Variants in LRBA observed in about 807,000 individuals in gnomAD.
LRBA encodes the protein LPS responsive beige-like anchor protein.
In LRBA, 176 loss-of-function variants were observed where a neutral mutation model predicts 330.0. The observed-to-expected ratio is 0.53, with a 90% CI of 0.47 to 0.60. The LOEUF is 0.60. Ranked by LOEUF, LRBA falls within the 20% of genes least tolerant of loss-of-function variation. The pLI, the probability that LRBA is intolerant of heterozygous loss-of-function variation, is 0.00. For synonymous variants in LRBA, 1,230 were observed against 1,193.0 expected (o/e 1.03, Z -0.64); for missense variants, 3,259 against 3,444.8 (o/e 0.95, Z 1.35).
intron 37 of LRBA, among the ~76,000 whole-genome samples, chr4:150,609,434 G>A (rs540359888): frequency 4.6e-5 from 7 of 152,232 alleles, no homozygotes; most frequent in South Asian, 2.1e-4. Flanking sequence ...TTATACATCC[G>A]GGGACAGAGA....
At chr4:150,535,187 G>T (rs558979880) in intron 40 of LRBA, among the ~76,000 whole-genome samples, 1 of 152,240 alleles carries the variant, frequency 6.6e-6, no homozygotes, top group African/African-American at 2.4e-5. Context: ...AGGCTAGAGG[G>T]GAGTGGTGCA....
chr4:150,907,259 G>A (rs1431927481), intron 11 of LRBA, among the ~76,000 whole-genome samples: 3 of 86,618 alleles, frequency 3.5e-5, no homozygotes, highest in East Asian at 9.4e-4. Context: ...GGGGAGGGAG[G>A]GAAGAGAGAA....
At chr4:150,548,686 CCT>C (rs1766176294) in intron 40 of LRBA, among the ~76,000 whole-genome samples, 1 of 152,026 alleles carries the variant, frequency 6.6e-6, no homozygotes, top group African/African-American at 2.4e-5. Context: ...CAAAGTATCC[CCT>C]CTGTTTTGGA....
chr4:150,431,806 A>G (rs1380297336), intron 46 of LRBA, among the ~76,000 whole-genome samples: 1 of 152,190 alleles, frequency 6.6e-6, no homozygotes, highest in Non-Finnish European at 1.5e-5. Context: ...AGGGAGAATA[A>G]AAACCATCAT....
At chr4:150,858,986 C>T (rs1426275238) in intron 22 of LRBA, among the ~76,000 whole-genome samples, 3 of 151,878 alleles carry the variant, frequency 2.0e-5, no homozygotes, top group Admixed American at 1.3e-4. Context: ...ATCTTATTTC[C>T]ACATGCTTTT....
At chr4:150,964,492 G>T (rs1201337767) in intron 2 of LRBA, among the ~76,000 whole-genome samples, 1 of 150,144 alleles carries the variant, frequency 6.7e-6, no homozygotes, top group African/African-American at 2.5e-5. Context: ...AAATTCTTCT[G>T]CCTTGGGATG....
chr4:150,401,041 C>A (rs1468782590), intron 47 of LRBA, among the ~76,000 whole-genome samples: 2 of 152,130 alleles, frequency 1.3e-5, no homozygotes, highest in Non-Finnish European at 2.9e-5. Context: ...GTTCCCTAAT[C>A]CAATATGACT....
intron 40 of LRBA, among the ~76,000 whole-genome samples, chr4:150,559,514 TCTCAA>T: frequency 7.2e-6 from 1 of 139,146 alleles, no homozygotes; most frequent in Admixed American, 8.1e-5. Context: ...TGAGACTCCA[TCTCAA>T]AAAAATATAT....
intron 37 of LRBA, among the ~76,000 whole-genome samples, chr4:150,626,442 A>T (rs769712435): frequency 6.6e-6 from 1 of 152,208 alleles, no homozygotes; most frequent in East Asian, 1.9e-4. Context: ...TTATCAATAC[A>T]ACATTAATTC....
intron 53 of LRBA, among the ~76,000 whole-genome samples, chr4:150,288,131 A>C (rs1254267851): frequency 1.3e-5 from 2 of 151,668 alleles, no homozygotes; most frequent in East Asian, 3.9e-4. Context: ...AGCTGGGACT[A>C]CAGGCGCCCG....
At chr4:150,905,587 T>C (rs956118326) in intron 13 of LRBA, among the ~76,000 whole-genome samples, 1 of 152,012 alleles carries the variant, frequency 6.6e-6, no homozygotes, top group Admixed American at 6.6e-5. Flanking sequence ...TCTTTTAAAA[T>C]AATGATATTG....
Position 150,867,718 on chromosome 4 carries a change from C to T in LRBA, c.2719G>A (p.Gly907Ser), listed in dbSNP as rs1211452255. 3 of 1,613,506 alleles carry T rather than the reference C, an allele frequency of 1.9e-6. No homozygotes were observed. Among genetic ancestry groups the T allele is most frequent in the Non-Finnish European group, 2.5e-6 (3 of 1,179,788 alleles). ...LLYHAVKYEWGGWRVWVDTLS... is the reference protein window; with the variant it reads ...LLYHAVKYEWSGWRVWVDTLS... ...GTGTCTACCCATACACGCCAGCCAC[C>T]CCACTCATATTTGACTGCATGGTAA... The change falls in exon 22 of 57, where the codon GGT (glycine) becomes AGT (serine). Residue 907 changes from glycine to serine, a missense_variant. Transcript: ENST00000651943.
At chr4:150,905,615 C>A (rs989709259) in intron 13 of LRBA, among the ~76,000 whole-genome samples, 7 of 151,774 alleles carry the variant, frequency 4.6e-5, no homozygotes, top group Admixed American at 2.0e-4. Context: ...AGAATATATT[C>A]TTTGTATGTA....
At chr4:150,316,094 C>T (rs1382723668) in intron 50 of LRBA, among the ~76,000 whole-genome samples, 1 of 152,054 alleles carries the variant, frequency 6.6e-6, no homozygotes, top group Non-Finnish European at 1.5e-5. Context: ...AGTGTTTCAT[C>T]CATCACTTAA....
At chr4:150,602,122 C>A (rs113297940) in intron 37 of LRBA, among the ~76,000 whole-genome samples, 2 of 152,236 alleles carry the variant, frequency 1.3e-5, no homozygotes, top group African/African-American at 4.8e-5. Flanking sequence ...CCAACACAAT[C>A]CAGTTACAAC....
intron 13 of LRBA, among the ~76,000 whole-genome samples, chr4:150,902,806 T>C (rs922792822): frequency 1.3e-5 from 2 of 152,224 alleles, no homozygotes; most frequent in African/African-American, 4.8e-5. Context: ...ACCAGATTGA[T>C]GAAATCAGAA....
chr4:150,720,084 G>A (rs1229045110), intron 36 of LRBA, among the ~76,000 whole-genome samples: 2 of 152,034 alleles, frequency 1.3e-5, no homozygotes, highest in Non-Finnish European at 2.9e-5. Flanking sequence ...CTCAGGAGAG[G>A]GAAATATTAG....
At chr4:150,831,488 T>C (rs897331692) in intron 29 of LRBA, among the ~76,000 whole-genome samples, 1 of 152,238 alleles carries the variant, frequency 6.6e-6, no homozygotes, top group Non-Finnish European at 1.5e-5. Flanking sequence ...ACTCCAATTA[T>C]TGCAGTTACT....
intron 47 of LRBA, among the ~76,000 whole-genome samples, chr4:150,373,196 A>AG (rs1740732759): frequency 6.6e-6 from 1 of 151,130 alleles, no homozygotes; most frequent in Admixed American, 6.6e-5. Flanking sequence ...AGAGAGAGAG[A>AG]GAGAGACTAT....
Sources: allele counts gnomAD v4.1 joint callset (sites outside exome capture counted in the v4.1 genomes callset), GRCh38; gene constraint gnomAD v4.1.1; transcripts MANE v1.5; gene names NCBI Gene and HGNC (gene_info 2026-07-23, HGNC 2026-07-21).